Variants in SNX6 observed in about 807,000 individuals in gnomAD.
The protein encoded by SNX6 is sorting nexin 6.
SNX6 carries 34 observed loss-of-function variants against 63.0 expected under a neutral mutation model. That is an observed-to-expected ratio of 0.54 (90% CI 0.41 to 0.72). The LOEUF (loss-of-function observed/expected upper bound fraction) is 0.72. Among genes scored for constraint, SNX6 ranks in the 30% least tolerant of loss-of-function variants. The probability of loss-of-function intolerance (pLI) is 0.00; values close to 1 mark genes in which losing one functional copy is unlikely to be tolerated. For synonymous variants in SNX6, 170 were observed against 164.2 expected (o/e 1.04, Z -0.27); for missense variants, 398 against 471.4 (o/e 0.84, Z 1.44).
chr14:34,568,525 G>A (rs1201965382), intron 11 of SNX6, among the ~76,000 whole-genome samples: 2 of 151,926 alleles, frequency 1.3e-5, no homozygotes, highest in Non-Finnish European at 2.9e-5. Context: ...TTGTAGAGAC[G>A]GGGCCTCACT....
intron 10 of SNX6, 53 bp from the exon 11 acceptor site, chr14:34,575,895 A>G: frequency 9.7e-7 from 1 of 1,026,820 alleles, no homozygotes; most frequent in East Asian, 2.6e-5. Context: ...TTCTCCTCTC[A>G]GTGGTTTCCT....
At chr14:34,569,567 C>T (rs774546020) in intron 11 of SNX6, among the ~76,000 whole-genome samples, 5 of 152,136 alleles carry the variant, frequency 3.3e-5, no homozygotes, top group Admixed American at 1.3e-4. Flanking sequence ...GCTGGGACTA[C>T]AGGCGTGTGC....
chr14:34,594,485 C>T (rs1300066137), intron 7 of SNX6, among the ~76,000 whole-genome samples: 15 of 152,054 alleles, frequency 9.9e-5, no homozygotes, highest in Admixed American at 9.8e-4. Context: ...TCCCAAGTAG[C>T]TGGGACTACA....
chr14:34,603,741 T>C (rs187003755), intron 5 of SNX6, among the ~76,000 whole-genome samples: 6 of 152,282 alleles, frequency 3.9e-5, no homozygotes, highest in Admixed American at 3.9e-4. Flanking sequence ...TGCGAGTTGA[T>C]GTTAAAGTTA....
chr14:34,628,035 C>T (rs1883895533), intron 2 of SNX6, among the ~76,000 whole-genome samples: 1 of 152,204 alleles, frequency 6.6e-6, no homozygotes, highest in African/African-American at 2.4e-5. Context: ...AAGTATGCAG[C>T]ACCTTCTCCA....
intron 10 of SNX6, among the ~76,000 whole-genome samples, chr14:34,581,064 T>C (rs1359558202): frequency 6.6e-6 from 1 of 152,196 alleles, no homozygotes; most frequent in African/African-American, 2.4e-5. Context: ...TGAAGTACAC[T>C]CATCTTCCTC....
At chr14:34,604,024 A>C in intron 5 of SNX6, 1 of 800,142 alleles carries the variant, frequency 1.2e-6, no homozygotes, top group Non-Finnish European at 1.6e-6. Context: ...TGAATCCCAG[A>C]GACCACAAAG....
Position 34,593,111 on chromosome 14 carries a change from A to G in SNX6, c.652T>C (p.Leu218=). Residue 218 remains leucine (L), a synonymous_variant, in exon 8 of 14, where the codon TTG becomes CTG. Transcript: ENST00000362031. ...TCCTTAACTCGGTTATGATACTCCA[A>G]AAGAAATGTTCGTTCGTGCTCAAAG... ...DFFEHERTFL[L]EYHNRVKDAS... The G allele has an allele frequency of 1.2e-6, 2 of 1,606,748 alleles. No homozygotes were observed. The highest frequency in any genetic ancestry group is 1.7e-6 in the Non-Finnish European group (2 of 1,177,946).
chr14:34,617,627 A>G (rs995043616), intron 2 of SNX6, among the ~76,000 whole-genome samples: 1 of 138,852 alleles, frequency 7.2e-6, no homozygotes, highest in African/African-American at 2.5e-5. Context: ...AAAAAAAAAA[A>G]AAAAAAGACT....
chr14:34,563,269 G>A, intron 13 of SNX6, 94 bp from the exon 14 acceptor site: 1 of 1,288,788 alleles, frequency 7.8e-7, no homozygotes, highest in South Asian at 1.3e-5. Context: ...ATAAAATATA[G>A]TGTTAGAAGC....
chr14:34,601,664 G>C (rs1280174349), intron 6 of SNX6, among the ~76,000 whole-genome samples: 2 of 151,646 alleles, frequency 1.3e-5, no homozygotes, highest in Admixed American at 6.6e-5. Context: ...GCACCATCTT[G>C]GCTCTCTGCA....
At chr14:34,627,441 G>A (rs1427197355) in intron 2 of SNX6, among the ~76,000 whole-genome samples, 7 of 151,486 alleles carry the variant, frequency 4.6e-5, no homozygotes, top group East Asian at 1.9e-4. Flanking sequence ...GCGAAAGAGC[G>A]AGACTCCGTT....
At chr14:34,577,106 C>CGAA (rs1881742785) in intron 10 of SNX6, among the ~76,000 whole-genome samples, 1 of 151,830 alleles carries the variant, frequency 6.6e-6, no homozygotes, top group African/African-American at 2.4e-5. Flanking sequence ...CTTTTCCAGA[C>CGAA]GAAGTCTTGC....
chr14:34,591,344 A>C (rs1350727820), intron 8 of SNX6, among the ~76,000 whole-genome samples: 1 of 152,192 alleles, frequency 6.6e-6, no homozygotes, highest in African/African-American at 2.4e-5. Flanking sequence ...TGAATTATGC[A>C]GATGTTCTAA....
intron 2 of SNX6, among the ~76,000 whole-genome samples, chr14:34,615,625 T>A (rs1007850880): frequency 6.6e-6 from 1 of 152,194 alleles, no homozygotes; most frequent in Non-Finnish European, 1.5e-5. Flanking sequence ...TCTTTTTTTT[T>A]CCCCTTGAGA....
chr14:34,623,076 T>C (rs1480787955), intron 2 of SNX6, among the ~76,000 whole-genome samples: 1 of 152,198 alleles, frequency 6.6e-6, no homozygotes, highest in African/African-American at 2.4e-5. Flanking sequence ...CACTACACTG[T>C]GATGGTCTCA....
chr14:34,607,630 G>A (rs1430869387), intron 4 of SNX6, among the ~76,000 whole-genome samples: 1 of 151,626 alleles, frequency 6.6e-6, no homozygotes, highest in African/African-American at 2.4e-5. Context: ...TAACAGGGCC[G>A]GGCACGGTGG....
chr14:34,600,490 C>A (rs1465086067), intron 6 of SNX6, among the ~76,000 whole-genome samples: 1 of 151,356 alleles, frequency 6.6e-6, no homozygotes, highest in Non-Finnish European at 1.5e-5. Flanking sequence ...GTTGCCCAGG[C>A]TGGTCTCGAA....
At chr14:34,565,218 C>T (rs1222590001) in intron 13 of SNX6, among the ~76,000 whole-genome samples, 3 of 151,790 alleles carry the variant, frequency 2.0e-5, no homozygotes, top group African/African-American at 4.8e-5. Flanking sequence ...GCTGGGACTA[C>T]AGGCGCCCGC....
Sources: allele counts gnomAD v4.1 joint callset (sites outside exome capture counted in the v4.1 genomes callset), GRCh38; gene constraint gnomAD v4.1.1; transcripts MANE v1.5; gene names NCBI Gene and HGNC (gene_info 2026-07-23, HGNC 2026-07-21).